Variants in PPP1R8 observed in about 807,000 individuals in gnomAD.
PPP1R8 encodes the protein protein phosphatase 1 regulatory subunit 8.
In PPP1R8, 4 loss-of-function variants were observed where a neutral mutation model predicts 31.3. The observed-to-expected ratio is 0.13, with a 90% CI of 0.06 to 0.29. PPP1R8 has a LOEUF of 0.29. Ranked by LOEUF, PPP1R8 falls within the 10% of genes least tolerant of loss-of-function variation. The pLI, the probability that PPP1R8 is intolerant of heterozygous loss-of-function variation, is 1.00. For missense variants in PPP1R8, 254 were observed against 440.1 expected, an observed-to-expected ratio of 0.58 and a Z score of 3.78; for synonymous variants, 170 against 169.7, an observed-to-expected ratio of 1.00 and a Z score of -0.01.
In PPP1R8 at chr1:27,850,469, TGGGA is replaced by T; in HGVS notation, c.*24_*27del. ...TGATATTTTTGGTCATGGAGAAGGG[TGGGA>T]TTGGGTGGGAATGGGGTGGAAGGGT... On this transcript the variant is annotated 3_prime_UTR_variant, in exon 7 of 7. Transcript: ENST00000311772. 8 of 422,832 alleles carry T rather than the reference TGGGA, an allele frequency of 1.9e-5. No individual in the cohort carries two copies. The highest frequency in any genetic ancestry group is 2.9e-5 in the Non-Finnish European group (6 of 205,662). 26.2% of individuals were successfully genotyped at this position (422,832 alleles called of 1,614,324 possible). A position where few individuals can be genotyped will look rare whatever the true frequency, so the allele number is the denominator to read the frequency against.
At chr1:27,840,988 T>TA (rs760715431) in intron 3 of PPP1R8, 26 bp from the exon 4 acceptor site, 3 of 1,610,614 alleles carry the variant, frequency 1.9e-6, no homozygotes, top group African/African-American at 1.3e-5. Context: ...TTTTCCCCCT[T>TA]ACGTTTCTGA....
At position 27,841,134 on chromosome 1, in the gene PPP1R8, A is replaced by C; in HGVS notation, c.392A>C (p.Gln131Pro). 1 of 1,614,220 alleles carries C rather than the reference A, an allele frequency of 6.2e-7. No homozygotes were observed. Among genetic ancestry groups the C allele is most frequent in the Non-Finnish European group, 8.5e-7 (1 of 1,180,038 alleles). ...TRAYTLREKP[Q>P]TLPSAVKGDE... ...GCATACACTCTGCGCGAGAAGCCTC[A>C]GACATTGCCATCGGCTGTGAAAGGA... The change falls in exon 4 of 7, where the codon CAG (glutamine) becomes CCG (proline). Residue 131 changes from glutamine (Q) to proline (P), a missense_variant. Physicochemically the swap from Gln to Pro is moderately conservative, Grantham distance 76. Coordinates refer to ENST00000311772, the MANE Select transcript of PPP1R8 (RefSeq NM_014110.5).
rs544902286 is a variant in PPP1R8, at chr1:27,849,371, CAA to C, written c.703-702_703-701del. Among the ~76,000 whole-genome samples, 619 of 77,424 alleles carry C rather than the reference CAA, an allele frequency of 8.0e-3. 3 individuals carry two copies. Among genetic ancestry groups the C allele is most frequent in the African/African-American group, 0.022 (589 of 26,390 alleles). The allele number at this position is 77,424 out of a possible 152,430, so 50.8% of individuals were successfully genotyped here. ...GGGCAACAAGAGTGAAACTCTGTCT[CAA>C]AAAAAAAAAAAAAAAAAAATTGCAC... On this transcript the variant is annotated intron_variant, in intron 6 of 6. Coordinates refer to ENST00000311772, the MANE Select transcript of PPP1R8 (RefSeq NM_014110.5).
At chr1:27,839,139 C>G (rs575477796) in intron 3 of PPP1R8, among the ~76,000 whole-genome samples, 1 of 152,236 alleles carries the variant, frequency 6.6e-6, no homozygotes, top group African/African-American at 2.4e-5. Flanking sequence ...GGGAGGATCA[C>G]TTGAGCCCAG....
chr1:27,838,577 G>A, intron 2 of PPP1R8, 122 bp from the exon 3 acceptor site: 1 of 531,658 alleles, frequency 1.9e-6, no homozygotes, highest in Admixed American at 3.9e-5. Context: ...GCAAGGAGAT[G>A]GAGTTTTTAC....
chr1:27,838,683 T>C lies in PPP1R8; in HGVS notation c.118-16T>C. ...GAAACAAGATTTAAGTAATATTTAA[T>C]TTAATATTTATTTAGAAACTGATTA... On this transcript the variant is annotated splice_polypyrimidine_tract_variant and intron_variant, in intron 2 of 6. Transcript: ENST00000311772. The C allele has an allele frequency of 7.0e-7, 1 of 1,422,448 alleles. No homozygotes were observed. The highest frequency in any genetic ancestry group is 1.5e-5 in the South Asian group (1 of 67,988). 88.1% of individuals were successfully genotyped at this position (1,422,448 alleles called of 1,614,324 possible).
intron 4 of PPP1R8, 36 bp downstream of exon 4, chr1:27,841,270 G>C: frequency 6.2e-7 from 1 of 1,608,170 alleles, no homozygotes; most frequent in Middle Eastern, 2.0e-4. Flanking sequence ...TTGTCTTTGG[G>C]GACCCTGGTT....
chr1:27,839,525 C>T (rs937633435), intron 3 of PPP1R8, among the ~76,000 whole-genome samples: 2 of 151,904 alleles, frequency 1.3e-5, no homozygotes, highest in African/African-American at 4.8e-5. Context: ...AAGATTCTGT[C>T]TCAAAAAAAT....
chr1:27,832,404 A>G (rs1328445894), intron 1 of PPP1R8, among the ~76,000 whole-genome samples: 2 of 152,182 alleles, frequency 1.3e-5, no homozygotes, highest in African/African-American at 4.8e-5. Context: ...ATATTGGAGT[A>G]GGGGTGGATT....
Position 27,850,088 on chromosome 1 carries a change from T to C in PPP1R8, c.703-5T>C, listed in dbSNP as rs1425332178. ...TCTCTCCCCTCTCCTCATCGTGAACTGTAGAAGAAGCGTGTGGAGGGCCCT... is the reference window on the plus strand; with the variant it reads ...TCTCTCCCCTCTCCTCATCGTGAACCGTAGAAGAAGCGTGTGGAGGGCCCT... On this transcript the variant is annotated splice_polypyrimidine_tract_variant and splice_region_variant and intron_variant, in intron 6 of 6. Transcript: ENST00000311772. 8.4e-6 allele frequency: 13 copies of C among 1,550,812 alleles called. No homozygotes were observed. The highest frequency in any genetic ancestry group is 1.1e-5 in the Non-Finnish European group (13 of 1,147,142).
chr1:27,831,187 C>G (rs1417557981), intron 1 of PPP1R8: 15 of 1,176,900 alleles, frequency 1.3e-5, no homozygotes, highest in Non-Finnish European at 1.5e-5. Context: ...CCCGAACTTA[C>G]GCCCAACTCT....
At chr1:27,838,629 A>G (rs998288918) in intron 2 of PPP1R8, 70 bp from the exon 3 acceptor site, 7 of 1,055,126 alleles carry the variant, frequency 6.6e-6, no homozygotes, top group Non-Finnish European at 5.2e-6. Flanking sequence ...AAGATTCTCT[A>G]TTTGGGAGAG....
intron 2 of PPP1R8, among the ~76,000 whole-genome samples, chr1:27,838,112 G>A (rs1293271292): frequency 6.6e-6 from 1 of 151,878 alleles, no homozygotes; most frequent in Admixed American, 6.6e-5. Flanking sequence ...TTGGGAGGCT[G>A]AGGCAGGAGA....
At chr1:27,840,924 C>A in intron 3 of PPP1R8, 90 bp from the exon 4 acceptor site, 1 of 1,331,506 alleles carries the variant, frequency 7.5e-7, no homozygotes, top group Non-Finnish European at 1.1e-6. Flanking sequence ...GGAAGCTGAC[C>A]TGATAAGAGA....
At chr1:27,841,579 C>T (rs541616460) in intron 4 of PPP1R8, among the ~76,000 whole-genome samples, 3 of 152,296 alleles carry the variant, frequency 2.0e-5, no homozygotes, top group South Asian at 4.1e-4. Context: ...ATATGGTAGC[C>T]ACTAACAATA....
intron 2 of PPP1R8, 122 bp downstream of exon 2, chr1:27,832,938 T>A: frequency 1.2e-6 from 1 of 813,010 alleles, no homozygotes; most frequent in Non-Finnish European, 1.9e-6. Context: ...TCATCCTGAT[T>A]TTTTTTTTCT....
In PPP1R8 at chr1:27,851,408, A is replaced by G; in HGVS notation, c.*962A>G. On this transcript the variant is annotated 3_prime_UTR_variant, in exon 7 of 7. Coordinates refer to ENST00000311772, the MANE Select transcript of PPP1R8 (RefSeq NM_014110.5). Reference sequence around the variant, plus strand: ...ACAAACATAGGAGACAAAGTTAGGAAACATTGATACAAGCTTTGTACAGAG... The same window carrying G: ...ACAAACATAGGAGACAAAGTTAGGAGACATTGATACAAGCTTTGTACAGAG... 2.7e-6 allele frequency: 1 copy of G among 372,374 alleles called. No homozygotes were observed. Among genetic ancestry groups the G allele is most frequent in the Non-Finnish European group, 5.4e-6 (1 of 183,814 alleles). The allele number at this position is 372,374 out of a possible 1,614,324, so 23.1% of individuals were successfully genotyped here. A position where few individuals can be genotyped will look rare whatever the true frequency, so the allele number is the denominator to read the frequency against.
chr1:27,840,939 G>A (rs2089216741), intron 3 of PPP1R8, 75 bp from the exon 4 acceptor site: 2 of 1,464,028 alleles, frequency 1.4e-6, no homozygotes, highest in African/African-American at 1.4e-5. Context: ...AAGAGAGTTG[G>A]CGATCATACT....
Position 27,850,383 on chromosome 1 carries a change from G to T in PPP1R8, c.993G>T (p.Lys331Asn), listed in dbSNP as rs756682209. 2 of 1,515,918 alleles carry T rather than the reference G, an allele frequency of 1.3e-6. No individual in the cohort carries two copies. The highest frequency in any genetic ancestry group is 2.2e-5 in the South Asian group (2 of 89,922). The allele number at this position is 1,515,918 out of a possible 1,614,324, so 93.9% of individuals were successfully genotyped here. ...VYNPEAVNEP[K>N]KKKYAKEAWP... ...ACCCTGAAGCTGTAAATGAACCCAAGAAGAAGAAATATGCAAAAGAGGCTT... is the reference window on the plus strand; with the variant it reads ...ACCCTGAAGCTGTAAATGAACCCAATAAGAAGAAATATGCAAAAGAGGCTT... Residue 331 changes from lysine (K) to asparagine (N), a missense_variant, in exon 7 of 7, where the codon AAG (lysine) becomes AAT (asparagine). Coordinates refer to ENST00000311772, the MANE Select transcript of PPP1R8 (RefSeq NM_014110.5).
Sources: gnomAD v4.1 joint callset for allele counts (sites outside exome capture counted in the v4.1 genomes callset) on GRCh38, gnomAD v4.1.1 for gene constraint, MANE v1.5 for transcripts, NCBI Gene and HGNC (gene_info 2026-07-23, HGNC 2026-07-21) for gene names.